Variants in FAT2 observed in about 807,000 individuals in gnomAD.
FAT2 encodes FAT atypical cadherin 2, also known as protocadherin Fat 2.
A neutral mutation model predicts 295.3 loss-of-function variants in FAT2; 150 were observed. The ratio of observed to expected loss-of-function variants is 0.51; its 90% CI spans 0.44 to 0.58. FAT2 has a LOEUF of 0.58. Among genes scored for constraint, FAT2 ranks in the 20% least tolerant of loss-of-function variants. The pLI is 0.00. For synonymous variants in FAT2, 2,026 were observed against 2,150.3 expected (o/e 0.94, Z 1.60); for missense variants, 4,868 against 5,442.7 (o/e 0.89, Z 3.32).
In FAT2 at chr5:151,565,652, ACCCT is replaced by A; in HGVS notation, c.3259+17_3259+20del. 1.6e-6 allele frequency: 1 copy of A among 621,984 alleles called. No individual in the cohort carries two copies. 38.5% of individuals were successfully genotyped at this position (621,984 alleles called of 1,614,324 possible). The stretch of plus-strand genomic sequence containing the variant: ...CATCTACCTCTGGCCCTGGCACCCC[ACCCT>A]ACCCCACCCCCAGTACCTGTATCTT... On this transcript the variant is annotated intron_variant, in intron 2 of 23. Coordinates refer to ENST00000261800, the MANE Select transcript of FAT2 (RefSeq NM_001447.3).
At chr5:151,513,621 A>AC (rs371151786) in intron 20 of FAT2, among the ~76,000 whole-genome samples, 109,551 of 151,670 alleles carry the variant, frequency 0.72, 39,944 homozygotes, top group East Asian at 0.96. Flanking sequence ...AAGGTTAAGG[A>AC]CAAAAAACTA....
rs142359154 is a variant in FAT2, at chr5:151,521,648, G to T, written c.10945C>A (p.Arg3649=). The T allele has an allele frequency of 6.2e-6, 10 of 1,613,928 alleles. No homozygotes were observed. Among genetic ancestry groups the T allele is most frequent in the African/African-American group, 1.3e-5 (1 of 74,932 alleles). The change falls in exon 19 of 24, where the codon CGG becomes AGG. Residue 3649 remains arginine, a synonymous_variant. Transcript: ENST00000261800. ...TPEELVSDHW[R]NLQRFLSHKL... ...TGGCTGAGGAACCTCTGCAGGTTCC[G>T]CCAGTGGTCACTCACCAGCTCCTCG...
rs149924548 is a variant in FAT2, at chr5:151,520,719, A to G, written c.11317+557T>C. On this transcript the variant is annotated intron_variant, in intron 19 of 23. Transcript: ENST00000261800. ...TCAGAGGGTTTTAACAATACACCCA[A>G]AGTTACACAGCTAGTGACTGATGGA... Among the ~76,000 whole-genome samples the G allele has an allele frequency of 8.1e-3, 1,234 of 152,354 alleles. 26 individuals carry two copies. Among genetic ancestry groups the G allele is most frequent in the African/African-American group, 0.029 (1,189 of 41,578 alleles).
chr5:151,526,784 C>T (rs1374221030), intron 17 of FAT2, among the ~76,000 whole-genome samples: 2 of 152,200 alleles, frequency 1.3e-5, no homozygotes, highest in African/African-American at 2.4e-5. Context: ...TTTTTATTCA[C>T]TCCCTCACCT....
chr5:151,534,710 A>G, intron 12 of FAT2, 68 bp from the exon 13 acceptor site: 2 of 1,388,634 alleles, frequency 1.4e-6, no homozygotes, highest in Non-Finnish European at 2.0e-6. Flanking sequence ...TGCCCTCTAT[A>G]TATCTACAGG....
rs552321475 is a variant in FAT2 at position 151,543,454 on chromosome 5, A to T, written c.7673T>A (p.Met2558Lys). 1 of 1,614,174 alleles carries T rather than the reference A, an allele frequency of 6.2e-7. No homozygotes were observed. The highest frequency in any genetic ancestry group is 1.7e-5 in the Admixed American group (1 of 60,028). ...TACTCTTCCTCCTCCATCCCGAGCCATGACCTTAATAGCAATGACTCTCTC... is the reference window on the plus strand; with the variant it reads ...TACTCTTCCTCCTCCATCCCGAGCCTTGACCTTAATAGCAATGACTCTCTC... ...STERVIAIKVMARDGGGRVAF... is the reference protein window; with the variant it reads ...STERVIAIKVKARDGGGRVAF... Residue 2558 changes from methionine (M) to lysine (K), a missense_variant, in exon 10 of 24, where the codon ATG (methionine) becomes AAG (lysine). Physicochemically the swap from Met to Lys is moderately conservative, Grantham distance 95. This residue lies in a region of FAT2 where 3,297 missense variants were observed against 3,669.4 expected (regional missense o/e 0.90). Coordinates refer to ENST00000261800, the MANE Select transcript of FAT2 (RefSeq NM_001447.3).
At position 151,521,790 on chromosome 5, in the gene FAT2, G is replaced by T. The variant is rs567656113; in HGVS notation, c.10803C>A (p.Asn3601Lys). 1 of 1,614,178 alleles carries T rather than the reference G, an allele frequency of 6.2e-7. No homozygotes were observed. The highest frequency in any genetic ancestry group is 1.7e-5 in the Admixed American group (1 of 60,032). The part of the protein sequence containing the change: ...QGLPRGHYSF[N>K]VTVSDGTFTT... ...TGAAGGTCCCATCGCTGACCGTGAC[G>T]TTGAACGAGTAGTGGCCACGAGGCA... The change falls in exon 19 of 24, where the codon AAC becomes AAA. Residue 3601 changes from asparagine (N) to lysine (K), a missense_variant. Physicochemically the swap from Asn to Lys is moderately conservative, Grantham distance 94. This residue lies in a region of FAT2 where 1,046 missense variants were observed against 1,210.1 expected (regional missense o/e 0.86). Coordinates refer to ENST00000261800, the MANE Select transcript of FAT2 (RefSeq NM_001447.3).
chr5:151,593,226 T>C (rs1759482872), upstream of FAT2, among the ~76,000 whole-genome samples: 1 of 152,234 alleles, frequency 6.6e-6, no homozygotes. Flanking sequence ...CGATTAGGCA[T>C]TAACCAGAGG....
chr5:151,526,607 A>T (rs1754006041), intron 17 of FAT2, among the ~76,000 whole-genome samples: 2 of 152,356 alleles, frequency 1.3e-5, no homozygotes, highest in South Asian at 4.1e-4. Context: ...TTCTTATAAA[A>T]TCCTGCTTTG....
At chr5:151,589,468 T>A (rs1007831773) in intron 1 of FAT2, among the ~76,000 whole-genome samples, 1 of 152,214 alleles carries the variant, frequency 6.6e-6, no homozygotes, top group Non-Finnish European at 1.5e-5. Flanking sequence ...GTCTAACATG[T>A]ACTCTATCGA....
chr5:151,528,309 T>A (rs1754238434), intron 15 of FAT2, among the ~76,000 whole-genome samples, 176 bp from the exon 16 acceptor site: 2 of 152,196 alleles, frequency 1.3e-5, no homozygotes, highest in African/African-American at 2.4e-5. Context: ...GACTTCAGCA[T>A]GCCATGGTTT....
chr5:151,578,186 T>G (rs1758817451), intron 1 of FAT2, among the ~76,000 whole-genome samples: 1 of 152,216 alleles, frequency 6.6e-6, no homozygotes, highest in African/African-American at 2.4e-5. Flanking sequence ...CTAGAAAGCT[T>G]CTTTCAGATG....
upstream of FAT2, among the ~76,000 whole-genome samples, chr5:151,594,162 A>G (rs1759506205): frequency 1.3e-5 from 2 of 152,208 alleles, no homozygotes; most frequent in South Asian, 4.1e-4. Flanking sequence ...TTACTTGGCC[A>G]AGGTCACTGG....
At position 151,534,044 on chromosome 5, in the gene FAT2, C is replaced by A. The variant is rs984235547; in HGVS notation, c.9427+365G>T. On this transcript the variant is annotated intron_variant, in intron 13 of 23. Transcript: ENST00000261800. ...TTACTGGGGTTGGTACCCAAAATTC[C>A]TTTCTTGAGGCAAATCAATCAGAAT... Among the ~76,000 whole-genome samples, 13 of 152,166 alleles carry A rather than the reference C, an allele frequency of 8.5e-5. No homozygotes were observed. In the East Asian group the frequency reaches 2.5e-3, roughly 29 times the overall value.
chr5:151,553,086 G>C, intron 6 of FAT2, 91 bp downstream of exon 6: 1 of 1,332,340 alleles, frequency 7.5e-7, no homozygotes, highest in Non-Finnish European at 1.1e-6. Context: ...CCGACCTTGA[G>C]AAGAGTCAGA....
chr5:151,515,195 G>A (rs999008347), intron 20 of FAT2, among the ~76,000 whole-genome samples: 1 of 152,090 alleles, frequency 6.6e-6, no homozygotes, highest in Admixed American at 6.5e-5. Context: ...TTCTTGATAC[G>A]TGTTCTTCAC....
intron 21 of FAT2, chr5:151,510,390 A>T: frequency 1.9e-6 from 1 of 530,558 alleles, no homozygotes; most frequent in Non-Finnish European, 3.4e-6. Context: ...CACCAGAGAC[A>T]ACAGTCACCT....
At chr5:151,575,994 G>T (rs537226773) in intron 1 of FAT2, among the ~76,000 whole-genome samples, 1 of 152,266 alleles carries the variant, frequency 6.6e-6, no homozygotes, top group East Asian at 1.9e-4. Context: ...GGACAGCCCA[G>T]CTCTAAAGAG....
chr5:151,563,300 T>C (rs1170314530), intron 3 of FAT2, 25 bp downstream of exon 3: 2 of 1,609,136 alleles, frequency 1.2e-6, no homozygotes, highest in Non-Finnish European at 1.7e-6. Flanking sequence ...GAGATCCCTG[T>C]TCACCCAGCT....
Sources: allele counts gnomAD v4.1 joint callset (sites outside exome capture counted in the v4.1 genomes callset), GRCh38; gene constraint gnomAD v4.1.1; regional missense constraint gnomAD v4.1.1; transcripts MANE v1.5; gene names NCBI Gene and HGNC (gene_info 2026-07-23, HGNC 2026-07-21).